Variants in CDYL2 observed in about 807,000 individuals in gnomAD.
CDYL2 encodes the protein chromodomain Y like 2, also known as chromodomain Y-like protein 2.
In CDYL2, 23 loss-of-function variants were observed where a neutral mutation model predicts 49.4. The observed-to-expected ratio is 0.47, with a 90% CI of 0.34 to 0.66. The LOEUF (loss-of-function observed/expected upper bound fraction) is 0.66. CDYL2 is among the 30% of genes least tolerant of loss of function. The probability of loss-of-function intolerance (pLI) is 0.01; values close to 1 mark genes in which losing one functional copy is unlikely to be tolerated. For synonymous variants in CDYL2, 360 were observed against 268.8 expected (o/e 1.34, Z -3.32); for missense variants, 678 against 656.4 (o/e 1.03, Z -0.36).
intron 1 of CDYL2, among the ~76,000 whole-genome samples, chr16:80,709,848 C>T (rs1031431645): frequency 6.6e-6 from 1 of 152,048 alleles, no homozygotes; most frequent in Non-Finnish European, 1.5e-5. Flanking sequence ...GAGCCACTGA[C>T]AACATTTTTG....
At chr16:80,630,263 T>A (rs894166892) in intron 3 of CDYL2, among the ~76,000 whole-genome samples, 1 of 152,216 alleles carries the variant, frequency 6.6e-6, no homozygotes, top group Admixed American at 6.5e-5. Flanking sequence ...GGAACCCCAA[T>A]TAACCAAGCC....
intron 2 of CDYL2, among the ~76,000 whole-genome samples, chr16:80,656,536 T>G (rs1167430331): frequency 3.3e-5 from 5 of 152,176 alleles, no homozygotes; most frequent in African/African-American, 1.2e-4. Flanking sequence ...ATGCTACATA[T>G]CTGGAAAATA....
At chr16:80,667,562 C>G (rs1253827673) in intron 2 of CDYL2, among the ~76,000 whole-genome samples, 1 of 152,192 alleles carries the variant, frequency 6.6e-6, no homozygotes, top group Non-Finnish European at 1.5e-5. Context: ...GTCTCCATCA[C>G]AGCATGAGGT....
intron 5 of CDYL2, among the ~76,000 whole-genome samples, chr16:80,608,851 TC>T (rs1335338435): frequency 6.6e-6 from 1 of 152,068 alleles, no homozygotes; most frequent in East Asian, 1.9e-4. Flanking sequence ...GTACTTGAAT[TC>T]CCCAGCCCTG....
intron 1 of CDYL2, among the ~76,000 whole-genome samples, chr16:80,753,897 G>C (rs1031471739): frequency 6.6e-6 from 1 of 152,166 alleles, no homozygotes; most frequent in Non-Finnish European, 1.5e-5. Flanking sequence ...CAAAGGATTT[G>C]TTTCCAAAAT....
rs1567570446 is a variant in CDYL2, at chr16:80,684,935, A to G, written c.219T>C (p.Ser73=). The change falls in exon 2 of 7, where the codon AGT becomes AGC. Residue 73 remains serine, a synonymous_variant. Transcript: ENST00000570137. The part of the protein sequence containing the change: ...DKRIKSGKQS[S]TSKLLRDSRG... The stretch of plus-strand genomic sequence containing the variant: ...GACTGTCACGCAGCAGCTTGGAGGT[A>G]CTGGACTGCTTCCCTGACTTGATCC... 1 of 1,614,184 alleles carries G rather than the reference A, an allele frequency of 6.2e-7. No homozygotes were observed. Among genetic ancestry groups the G allele is most frequent in the East Asian group, 2.2e-5 (1 of 44,880 alleles).
chr16:80,605,626 AAT>A (rs937205811), intron 6 of CDYL2, among the ~76,000 whole-genome samples: 2 of 151,398 alleles, frequency 1.3e-5, no homozygotes, highest in African/African-American at 4.8e-5. Context: ...TAATCATAGT[AAT>A]AGTCTTAGTA....
intron 2 of CDYL2, among the ~76,000 whole-genome samples, chr16:80,637,504 C>T (rs1038016768): frequency 4.6e-5 from 7 of 152,004 alleles, no homozygotes; most frequent in South Asian, 2.1e-4. Flanking sequence ...ATAGAAAGTA[C>T]GAAAGAACTG....
intron 1 of CDYL2, among the ~76,000 whole-genome samples, chr16:80,724,495 T>C (rs552064516): frequency 2.0e-5 from 3 of 152,298 alleles, no homozygotes; most frequent in South Asian, 2.1e-4. Context: ...AGATCCTGAC[T>C]CCTTGTCATA....
rs541457265 is a variant in CDYL2 at position 80,706,041 on chromosome 16, T to C, written c.25-20912A>G. Among the ~76,000 whole-genome samples the C allele has an allele frequency of 5.3e-5, 8 of 152,346 alleles. No homozygotes were observed. The East Asian group carries it at 1.5e-3, about 29-fold the overall frequency. ...CTGAACATCACAGACATGGTCCCTG[T>C]TCTCATGGAACTTAGCATCCAGTGT... On this transcript the variant is annotated intron_variant, in intron 1 of 6. Coordinates refer to ENST00000570137, the MANE Select transcript of CDYL2 (RefSeq NM_152342.4).
intron 6 of CDYL2, among the ~76,000 whole-genome samples, chr16:80,607,380 G>C (rs1629): frequency 1.3e-5 from 2 of 151,908 alleles, no homozygotes; most frequent in Non-Finnish European, 2.9e-5. Flanking sequence ...AGGGGCAAGG[G>C]TCTGGCCCCA....
At chr16:80,738,569 G>A (rs1351783361) in intron 1 of CDYL2, 1 of 152,286 alleles carries the variant, frequency 6.6e-6, no homozygotes, top group African/African-American at 2.4e-5. Flanking sequence ...CAAATCCATA[G>A]GGATAGAAAG....
chr16:80,693,437 A>G (rs1389233715), intron 1 of CDYL2, among the ~76,000 whole-genome samples: 1 of 152,246 alleles, frequency 6.6e-6, no homozygotes, highest in Non-Finnish European at 1.5e-5. Context: ...TAAACAAGAC[A>G]GCAGAAATGA....
At chr16:80,627,143 T>C (rs1397199177) in intron 3 of CDYL2, among the ~76,000 whole-genome samples, 1 of 152,186 alleles carries the variant, frequency 6.6e-6, no homozygotes, top group Non-Finnish European at 1.5e-5. Context: ...ATAAGCACAT[T>C]CCAGCCTATC....
chr16:80,606,700 G>A (rs542998886), intron 6 of CDYL2, among the ~76,000 whole-genome samples: 1 of 152,212 alleles, frequency 6.6e-6, no homozygotes, highest in Non-Finnish European at 1.5e-5. Context: ...TTGAATTGTA[G>A]CTCCCATAGT....
intron 2 of CDYL2, among the ~76,000 whole-genome samples, chr16:80,643,324 T>C (rs1245323851): frequency 1.3e-5 from 2 of 152,182 alleles, no homozygotes; most frequent in Non-Finnish European, 2.9e-5. Context: ...CTTTGCAGGG[T>C]TCAGCCTCTC....
At position 80,620,785 on chromosome 16, in the gene CDYL2, T is replaced by C; in HGVS notation, c.985A>G (p.Thr329Ala). 4.4e-6 allele frequency: 7 copies of C among 1,607,728 alleles called. No individual in the cohort carries two copies. The highest frequency in any genetic ancestry group is 1.1e-5 in the South Asian group (1 of 90,398). ...RLSSDRRKESTRIAEAIRDFV... is the reference protein window; with the variant it reads ...RLSSDRRKESARIAEAIRDFV... Reference sequence around the variant, plus strand: ...CACCTGATGGCTTCTGCAATCCGAGTGCTCTCCTTTCGCCGGTCGCTGGAC... The same window carrying C: ...CACCTGATGGCTTCTGCAATCCGAGCGCTCTCCTTTCGCCGGTCGCTGGAC... Residue 329 changes from threonine to alanine, a missense_variant, in exon 4 of 7, where the codon ACT (threonine) becomes GCT (alanine). This residue lies in a region of CDYL2 where 478 missense variants were observed against 427.0 expected (regional missense o/e 1.12). Coordinates refer to ENST00000570137, the MANE Select transcript of CDYL2 (RefSeq NM_152342.4).
chr16:80,620,756 A>G lies in CDYL2; in HGVS notation c.1007+7T>C. On this transcript the variant is annotated splice_region_variant and intron_variant, in intron 4 of 6. Transcript: ENST00000570137. ...CCCCAGGGTGTGTGAAAAGGAGCAC[A>G]GCTCACCTGATGGCTTCTGCAATCC... The G allele has an allele frequency of 6.3e-7, 1 of 1,587,986 alleles. No individual in the cohort carries two copies. Among genetic ancestry groups the G allele is most frequent in the South Asian group, 1.1e-5 (1 of 88,578 alleles).
intron 5 of CDYL2, among the ~76,000 whole-genome samples, chr16:80,611,313 AG>A (rs1480317207): frequency 6.6e-6 from 1 of 152,180 alleles, no homozygotes; most frequent in African/African-American, 2.4e-5. Flanking sequence ...GACTGGCTAG[AG>A]GGGGCTGGAA....
Sources: allele counts gnomAD v4.1 joint callset (sites outside exome capture counted in the v4.1 genomes callset), GRCh38; gene constraint gnomAD v4.1.1; regional missense constraint gnomAD v4.1.1; transcripts MANE v1.5; gene names NCBI Gene and HGNC (gene_info 2026-07-23, HGNC 2026-07-21).